MDC1: variants seen among roughly 807,000 people sequenced by gnomAD.
MDC1 encodes the protein mediator of DNA damage checkpoint 1.
A neutral mutation model predicts 142.5 loss-of-function variants in MDC1; 81 were observed. That is an observed-to-expected ratio of 0.57 (90% confidence interval 0.47 to 0.68). The LOEUF (loss-of-function observed/expected upper bound fraction) is 0.68, where lower values mean the gene tolerates loss of function less well. Among genes scored for constraint, MDC1 ranks in the 30% least tolerant of loss-of-function variants. The pLI is 0.00. For missense variants in MDC1, 2,119 were observed against 2,547.9 expected (o/e 0.83, Z 3.62); for synonymous variants, 797 against 968.4 (o/e 0.82, Z 3.29).
rs28994870 is a variant in MDC1 at position 30,704,980 on chromosome 6, G to A, written c.4203C>T (p.Gly1401=). 25,779 of 1,608,644 alleles carry A rather than the reference G, an allele frequency of 0.016. 345 individuals are homozygous for A. Among genetic ancestry groups the A allele is most frequent in the Middle Eastern group, 0.061 (366 of 6,044 alleles). The part of the protein sequence containing the change: ...ATRGRKNRSS[G]KTPETLVPTA... ...TGGGGACAAGTGTTTCAGGGGTCTT[G>A]CCAGAGGATCTATTTTTTCTTCCCC... Residue 1401 remains glycine (G), a synonymous_variant, in exon 10 of 15, where the codon GGC becomes GGT. Coordinates refer to ENST00000376406, the MANE Select transcript of MDC1 (RefSeq NM_014641.3).
In MDC1 at chr6:30,706,123, G is replaced by C. The variant is rs774294770; in HGVS notation, c.3085-25C>G. ...CCTAGGGAGAAACAGAAGCAAGTGA[G>C]GGGGAGGAGGTGGAGAAAAGAGATA... On this transcript the variant is annotated intron_variant, in intron 9 of 14. Transcript: ENST00000376406. 4 of 1,521,604 alleles carry C rather than the reference G, an allele frequency of 2.6e-6. 1 individual carries two copies. Among genetic ancestry groups the C allele is most frequent in the South Asian group, 2.5e-5 (2 of 80,362 alleles). 94.3% of individuals were successfully genotyped at this position (1,521,604 alleles called of 1,614,324 possible).
rs768028369 is a variant in MDC1, at chr6:30,712,842, G to A, written c.1100C>T (p.Ala367Val). ...ACCAGCCTGGCTCTCCTGCAGATGG[G>A]CCAGGCCTGGTGCTCCAGGACCCCT... ...GTRGPGAPGL[A>V]HLQESQAGSD... is the part of the protein sequence containing the mutation. Residue 367 changes from alanine to valine, a missense_variant, in exon 5 of 15, where the codon GCC becomes GTC. By Grantham distance (64) the Ala-to-Val change is moderately conservative (BLOSUM62 0). Transcript: ENST00000376406. The surrounding 1 kb of genome is among the most constrained non-coding windows in gnomAD (Gnocchi z 4.7). 6.2e-7 allele frequency: 1 copy of A among 1,613,000 alleles called. No homozygotes were observed. The highest frequency in any genetic ancestry group is 8.5e-7 in the Non-Finnish European group (1 of 1,180,026).
Position 30,716,831 on chromosome 6 carries a change from C to G in MDC1, c.-4+414G>C. 1.1e-6 allele frequency: 1 copy of G among 880,340 alleles called. No homozygotes were observed. Among genetic ancestry groups the G allele is most frequent in the Non-Finnish European group, 1.4e-6 (1 of 733,970 alleles). 54.5% of individuals were successfully genotyped at this position (880,340 alleles called of 1,614,324 possible). A position where few individuals can be genotyped will look rare whatever the true frequency, so the allele number is the denominator to read the frequency against. The stretch of plus-strand genomic sequence containing the variant: ...TCGGGAAGGCTCATCACCGAGCCTA[C>G]TGATGAAGGAACAAATGAGATGGAA... On this transcript the variant is annotated intron_variant, in intron 1 of 14. Transcript: ENST00000376406. This position sits in a 1 kb window ranked among gnomAD's most constrained non-coding sequence, Gnocchi z 4.4.
Position 30,700,349 on chromosome 6 carries a change from ACCC to A in MDC1, c.*113_*115del. ...TTTATTCATAAAGATTTCTGGTCCC[ACCC>A]ATGTTCCAGGACAAGTTGTATCAAT... On this transcript the variant is annotated 3_prime_UTR_variant, in exon 15 of 15. Coordinates refer to ENST00000376406, the MANE Select transcript of MDC1 (RefSeq NM_014641.3). 5.7e-6 allele frequency: 6 copies of A among 1,050,444 alleles called. No individual in the cohort carries two copies. Among genetic ancestry groups the A allele is most frequent in the South Asian group, 2.8e-5 (1 of 35,100 alleles). 65.1% of individuals were successfully genotyped at this position (1,050,444 alleles called of 1,614,324 possible).
At position 30,715,054 on chromosome 6, in the gene MDC1, T is replaced by C. The variant is rs746918686; in HGVS notation, c.122A>G (p.His41Arg). 4 of 1,614,096 alleles carry C rather than the reference T, an allele frequency of 2.5e-6. No homozygotes were observed. Among genetic ancestry groups the C allele is most frequent in the East Asian group, 2.2e-5 (1 of 44,896 alleles). The change falls in exon 2 of 15, where the codon CAT becomes CGT. Residue 41 changes from histidine (H) to arginine (R), a missense_variant. His to Arg is a conservative substitution (Grantham distance 29). Coordinates refer to ENST00000376406, the MANE Select transcript of MDC1 (RefSeq NM_014641.3). This position sits in a 1 kb window ranked among gnomAD's most constrained non-coding sequence, Gnocchi z 4.1. The stretch of plus-strand genomic sequence containing the variant: ...TACCCTCTGACCTTTTTCTGGTCCA[T>C]GGGCACCACTAAAGATATGTAGCCG... ...VGRLHIFSGA[H>R]GPEKDFPLHL...
rs760626823 is a variant in MDC1 at position 30,707,730 on chromosome 6, T to A, written c.2849A>T (p.Glu950Val). The change falls in exon 8 of 15, where the codon GAG becomes GTG. Residue 950 changes from glutamate to valine, a missense_variant. By Grantham distance (121) the Glu-to-Val change is moderately radical. Transcript: ENST00000376406. Reference sequence around the variant, plus strand: ...CTGGTCCTGGCTCCCTCCCTCTGGCTCCCCTCTCTGTGTATCTCTCTCCAG... The same window carrying A: ...CTGGTCCTGGCTCCCTCCCTCTGGCACCCCTCTCTGTGTATCTCTCTCCAG... Reference protein sequence around the residue: ...VILERDTQRGEPEGGSQDQKG... With the variant: ...VILERDTQRGVPEGGSQDQKG... 8 of 1,612,952 alleles carry A rather than the reference T, an allele frequency of 5.0e-6. No homozygotes were observed. The African/African-American group carries it at 1.1e-4, about 22-fold the overall frequency.
intron 14 of MDC1, among the ~76,000 whole-genome samples, chr6:30,701,354 C>T (rs895280147): frequency 1.3e-5 from 2 of 151,866 alleles, no homozygotes. Flanking sequence ...TGAGCCAAGA[C>T]TGCTCCACTG....
chr6:30,712,322 C>A lies in MDC1; in HGVS notation c.1620G>T (p.Lys540Asn). ...PPGSAIIHIK[K>N]HQVSVEGTNQ... is the part of the protein sequence containing the mutation. The stretch of plus-strand genomic sequence containing the variant: ...TTGTCCCCTCCACAGACACCTGATG[C>A]TTCTTTATATGTATAATGGCTGACC... The change falls in exon 5 of 15, where the codon AAG becomes AAT. Residue 540 changes from lysine (K) to asparagine (N), a missense_variant. Coordinates refer to ENST00000376406, the MANE Select transcript of MDC1 (RefSeq NM_014641.3). This position sits in a 1 kb window ranked among gnomAD's most constrained non-coding sequence, Gnocchi z 4.7. 1.2e-6 allele frequency: 2 copies of A among 1,613,100 alleles called. No homozygotes were observed. Among genetic ancestry groups the A allele is most frequent in the Non-Finnish European group, 1.7e-6 (2 of 1,180,046 alleles).
rs1366797290 is a variant in MDC1 at position 30,713,014 on chromosome 6, G to A, written c.928C>T (p.Pro310Ser). ...DTDVDDDSRP[P>S]GRPAEVHLER... ...AAATGGACCTCAGCTGGCCTTCCAG[G>A]AGGCCTGCTGTCATCATCCACATCT... The change falls in exon 5 of 15, where the codon CCT (proline) becomes TCT (serine). Residue 310 changes from proline to serine, a missense_variant. By Grantham distance (74) the Pro-to-Ser change is moderately conservative. Coordinates refer to ENST00000376406, the MANE Select transcript of MDC1 (RefSeq NM_014641.3). The surrounding 1 kb of genome is among the most constrained non-coding windows in gnomAD (Gnocchi z 4.9). 4 of 1,612,698 alleles carry A rather than the reference G, an allele frequency of 2.5e-6. No individual in the cohort carries two copies. Among genetic ancestry groups the A allele is most frequent in the Non-Finnish European group, 2.5e-6 (3 of 1,179,760 alleles).
rs60594424 is a variant in MDC1, at chr6:30,716,227, C to CTTTCTT, written c.-4+1017_-4+1018insAAGAAA. ...ATTCAGTTCAAATGTCACTTTCTTT[C>CTTTCTT]TTTTTTTTTTTTTTGAGATGGAATC... On this transcript the variant is annotated intron_variant, in intron 1 of 14. Coordinates refer to ENST00000376406, the MANE Select transcript of MDC1 (RefSeq NM_014641.3). The surrounding 1 kb of genome is among the most constrained non-coding windows in gnomAD (Gnocchi z 4.4). 0.021 allele frequency among the ~76,000 whole-genome samples: 3,101 copies of CTTTCTT among 144,390 alleles called. 44 individuals are homozygous for CTTTCTT. Among genetic ancestry groups the CTTTCTT allele is most frequent in the South Asian group, 0.066 (305 of 4,598 alleles). 94.7% of individuals were successfully genotyped at this position (144,390 alleles called of 152,430 possible). A position where few individuals can be genotyped will look rare whatever the true frequency, so the allele number is the denominator to read the frequency against.
At position 30,709,003 on chromosome 6, in the gene MDC1, A is replaced by G. The variant is rs546875439; in HGVS notation, c.2222-646T>C. On this transcript the variant is annotated intron_variant, in intron 7 of 14. Transcript: ENST00000376406. This position sits in a 1 kb window ranked among gnomAD's most constrained non-coding sequence, Gnocchi z 4.2. The stretch of plus-strand genomic sequence containing the variant: ...AAAAAAGAAAGAAAGAAAGAAAGAA[A>G]GAAAAACATCATAGCCTAATAAGAG... 1.0e-4 allele frequency among the ~76,000 whole-genome samples: 15 copies of G among 150,612 alleles called. 1 individual carries two copies. Among genetic ancestry groups the G allele is most frequent in the Middle Eastern group, 3.5e-3 (1 of 288 alleles).
Position 30,712,630 on chromosome 6 carries a change from G to A in MDC1, c.1312C>T (p.Arg438Cys), listed in dbSNP as rs753023149. ...NRDAEEDMPQ[R>C]VVLLQRSQTT... ...TGGCTTCGCTGCAGAAGGACCACAC[G>A]TTGGGGCATGTCCTCTTCTGCATCT... The change falls in exon 5 of 15, where the codon CGT becomes TGT. Residue 438 changes from arginine to cysteine, a missense_variant. Coordinates refer to ENST00000376406, the MANE Select transcript of MDC1 (RefSeq NM_014641.3). This position sits in a 1 kb window ranked among gnomAD's most constrained non-coding sequence, Gnocchi z 4.7. The A allele has an allele frequency of 1.1e-5, 18 of 1,612,786 alleles. No homozygotes were observed. The East Asian group carries it at 2.2e-4, about 20-fold the overall frequency.
At position 30,715,894 on chromosome 6, in the gene MDC1, C is replaced by G. The variant is rs1027952076; in HGVS notation, c.-3-716G>C. Among the ~76,000 whole-genome samples, 4 of 152,162 alleles carry G rather than the reference C, an allele frequency of 2.6e-5. No individual in the cohort carries two copies. Among genetic ancestry groups the G allele is most frequent in the Non-Finnish European group, 5.9e-5 (4 of 68,034 alleles). ...AGCTGGGTTAAGATTTTCAGATCTCCTTGAAACATACATAAGCATATATAA... is the reference window on the plus strand; with the variant it reads ...AGCTGGGTTAAGATTTTCAGATCTCGTTGAAACATACATAAGCATATATAA... On this transcript the variant is annotated intron_variant, in intron 1 of 14. Coordinates refer to ENST00000376406, the MANE Select transcript of MDC1 (RefSeq NM_014641.3). This position sits in a 1 kb window ranked among gnomAD's most constrained non-coding sequence, Gnocchi z 4.1.
rs532419893 is a variant in MDC1, at chr6:30,716,673, C to A, written c.-4+572G>T. 6.6e-6 allele frequency among the ~76,000 whole-genome samples: 1 copy of A among 152,176 alleles called. No individual in the cohort carries two copies. The highest frequency in any genetic ancestry group is 1.5e-5 in the Non-Finnish European group (1 of 68,040). On this transcript the variant is annotated intron_variant, in intron 1 of 14. Transcript: ENST00000376406. This position sits in a 1 kb window ranked among gnomAD's most constrained non-coding sequence, Gnocchi z 4.4. Reference sequence around the variant, plus strand: ...CTTTCCATTTCTGCCTTCACACTCACCCACCTCCAGGACTGGATTAGGGGA... The same window carrying A: ...CTTTCCATTTCTGCCTTCACACTCAACCACCTCCAGGACTGGATTAGGGGA...
At position 30,712,165 on chromosome 6, in the gene MDC1, C is replaced by T. The variant is rs764927354; in HGVS notation, c.1777G>A (p.Ala593Thr). The T allele has an allele frequency of 6.2e-7, 1 of 1,612,768 alleles. No individual in the cohort carries two copies. Among genetic ancestry groups the T allele is most frequent in the African/African-American group, 1.3e-5 (1 of 75,064 alleles). ...GGAAGCTGGCTCTTTCTTACATCTGCAACTACTGAGGCTGTTAGGGAGGTG... is the reference window on the plus strand; with the variant it reads ...GGAAGCTGGCTCTTTCTTACATCTGTAACTACTGAGGCTGTTAGGGAGGTG... ...EGTSLTASVV[A>T]DVRKSQLPAE... is the part of the protein sequence containing the mutation. Residue 593 changes from alanine to threonine, a missense_variant, in exon 5 of 15, where the codon GCA (alanine) becomes ACA (threonine). Ala to Thr is a moderately conservative substitution (Grantham distance 58, BLOSUM62 0). Transcript: ENST00000376406. The surrounding 1 kb of genome is among the most constrained non-coding windows in gnomAD (Gnocchi z 4.7).
rs28986465 is a variant in MDC1, at chr6:30,712,785, G to T, written c.1157C>A (p.Pro386Gln). ...GCTTTTCTCCAGAGGGACAGCCTGT[G>T]GGGCCTTGCCTTCTTCCACATCTGT... Reference protein sequence around the residue: ...SDTDVEEGKAPQAVPLEKSQA... With the variant: ...SDTDVEEGKAQQAVPLEKSQA... Residue 386 changes from proline (P) to glutamine (Q), a missense_variant, in exon 5 of 15, where the codon CCA (proline) becomes CAA (glutamine). By Grantham distance (76) the Pro-to-Gln change is moderately conservative. Transcript: ENST00000376406. This position sits in a 1 kb window ranked among gnomAD's most constrained non-coding sequence, Gnocchi z 4.7. The T allele has an allele frequency of 1.9e-6, 3 of 1,612,906 alleles. No homozygotes were observed. The South Asian group carries it at 3.3e-5, about 18-fold the overall frequency.
chr6:30,714,942 C>G (rs1389396158), intron 2 of MDC1, 98 bp downstream of exon 2: 1 of 1,403,028 alleles, frequency 7.1e-7, no homozygotes, highest in Admixed American at 2.1e-5. Flanking sequence ...AAATTCACAT[C>G]TCATTGAAAC....
At position 30,709,496 on chromosome 6, in the gene MDC1, C is replaced by T. The variant is rs1338800212; in HGVS notation, c.2222-1139G>A. ...TAATTGGGATATCCACTATCTCAAA[C>T]ATTTATCATTTCTTTGTCTTGGAAA... On this transcript the variant is annotated intron_variant, in intron 7 of 14. Transcript: ENST00000376406. This position sits in a 1 kb window ranked among gnomAD's most constrained non-coding sequence, Gnocchi z 4.2. Among the ~76,000 whole-genome samples, 1 of 152,222 alleles carries T rather than the reference C, an allele frequency of 6.6e-6. No homozygotes were observed. The highest frequency in any genetic ancestry group is 1.5e-5 in the Non-Finnish European group (1 of 68,042).
chr6:30,714,197 A>C lies in MDC1; in HGVS notation c.137-14T>G, dbSNP rs1187094443. The C allele has an allele frequency of 1.3e-6, 2 of 1,595,804 alleles. No individual in the cohort carries two copies. Among genetic ancestry groups the C allele is most frequent in the Non-Finnish European group, 1.7e-6 (2 of 1,175,364 alleles). On this transcript the variant is annotated splice_polypyrimidine_tract_variant and intron_variant, in intron 2 of 14. Coordinates refer to ENST00000376406, the MANE Select transcript of MDC1 (RefSeq NM_014641.3). ...GTAGTGGGAAATCTAAGAATTAGAG[A>C]GGTAGATAAGCTCCAAGATCAGAGT...
Sources: gnomAD v4.1 joint callset for allele counts (sites outside exome capture counted in the v4.1 genomes callset) on GRCh38, gnomAD v4.1.1 for gene constraint, Gnocchi (gnomAD v3.1) non-coding constraint, MANE v1.5 for transcripts, NCBI Gene and HGNC (gene_info 2026-07-23, HGNC 2026-07-21) for gene names.